The following DPYSL3 variants were observed in gnomAD, a reference collection of about 807,000 sequenced individuals.
The protein encoded by DPYSL3 is dihydropyrimidinase like 3, also known as dihydropyrimidinase-related protein 3.
Under a neutral mutation model 66.1 loss-of-function variants are expected in DPYSL3, and 16 were observed. The ratio of observed to expected loss-of-function variants is 0.24; its 90% confidence interval spans 0.16 to 0.37. The LOEUF (loss-of-function observed/expected upper bound fraction) is 0.37, where lower values mean the gene tolerates loss of function less well. DPYSL3 is among the 10% of genes least tolerant of loss of function. The pLI, the probability that DPYSL3 is intolerant of heterozygous loss-of-function variation, is 1.00. For missense variants in DPYSL3, 738 were observed against 916.2 expected (o/e 0.81, Z 2.51); for synonymous variants, 338 against 345.1 (o/e 0.98, Z 0.23).
chr5:147,469,658 T>C (rs900207952), intron 1 of DPYSL3, among the ~76,000 whole-genome samples: 3 of 152,180 alleles, frequency 2.0e-5, no homozygotes, highest in Non-Finnish European at 4.4e-5. Flanking sequence ...CATGGATATA[T>C]ATATTTTTTG....
intron 1 of DPYSL3, among the ~76,000 whole-genome samples, chr5:147,476,423 T>A (rs937752863): frequency 6.6e-6 from 1 of 152,146 alleles, no homozygotes; most frequent in Non-Finnish European, 1.5e-5. Context: ...AATATGTTAA[T>A]GCATATTTAG....
At chr5:147,473,107 A>G (rs1305509723) in intron 1 of DPYSL3, 1 of 152,210 alleles carries the variant, frequency 6.6e-6, no homozygotes, top group African/African-American at 2.4e-5. Context: ...AATAAAATAA[A>G]TAAAATAAAG....
chr5:147,495,051 A>G (rs1288829546), intron 1 of DPYSL3, among the ~76,000 whole-genome samples: 2 of 152,154 alleles, frequency 1.3e-5, no homozygotes, highest in East Asian at 3.9e-4. Flanking sequence ...TATTAAAGAA[A>G]CCAAATCAAT....
At position 147,393,638 on chromosome 5, in the gene DPYSL3, C is replaced by A. The variant is rs146411440; in HGVS notation, c.*397G>T. On this transcript the variant is annotated 3_prime_UTR_variant, in exon 14 of 14. Transcript: ENST00000343218. ...TCTGCACCCTCCACCTTGCTCCAGG[C>A]TCCCACCACCCACTCACCCCAAATA... 227 of 194,434 alleles carry A rather than the reference C, an allele frequency of 1.2e-3. 1 individual carries two copies. Among genetic ancestry groups the A allele is most frequent in the African/African-American group, 4.8e-3 (209 of 43,206 alleles). 12.0% of individuals were successfully genotyped at this position (194,434 alleles called of 1,614,324 possible). A position where few individuals can be genotyped will look rare whatever the true frequency, so the allele number is the denominator to read the frequency against.
chr5:147,508,234 C>T (rs1255468811), intron 1 of DPYSL3, among the ~76,000 whole-genome samples: 1 of 152,168 alleles, frequency 6.6e-6, no homozygotes, highest in Non-Finnish European at 1.5e-5. Flanking sequence ...CACTTATTTT[C>T]CCTGGTGGTC....
intron 12 of DPYSL3, among the ~76,000 whole-genome samples, chr5:147,397,314 G>C (rs1057294181): frequency 6.6e-6 from 1 of 152,018 alleles, no homozygotes; most frequent in Non-Finnish European, 1.5e-5. Flanking sequence ...ATGACACAGG[G>C]ATGTGTCGGT....
intron 1 of DPYSL3, among the ~76,000 whole-genome samples, chr5:147,494,692 C>G (rs1294736481): frequency 1.5e-5 from 2 of 137,014 alleles, no homozygotes; most frequent in East Asian, 4.1e-4. Flanking sequence ...GGTGAAACCC[C>G]GTCTCTACGA....
intron 1 of DPYSL3, among the ~76,000 whole-genome samples, chr5:147,444,622 A>G (rs1012912218): frequency 9.2e-5 from 14 of 152,200 alleles, no homozygotes; most frequent in Non-Finnish European, 2.9e-5. Context: ...TCTAGTGATT[A>G]CCATTACACA....
At chr5:147,402,537 C>T (rs1056517502) in intron 8 of DPYSL3, among the ~76,000 whole-genome samples, 17 of 145,420 alleles carry the variant, frequency 1.2e-4, no homozygotes, top group African/African-American at 4.0e-4. Context: ...TTAGTAGAGA[C>T]GGGGTTTCAC....
intron 1 of DPYSL3, among the ~76,000 whole-genome samples, chr5:147,469,885 C>G (rs1288723895): frequency 2.0e-5 from 3 of 152,202 alleles, no homozygotes; most frequent in Non-Finnish European, 4.4e-5. Flanking sequence ...TACAGTGGCC[C>G]CTTTGGTGCA....
At chr5:147,468,793 T>TA (rs1170497115) in intron 1 of DPYSL3, among the ~76,000 whole-genome samples, 3 of 152,188 alleles carry the variant, frequency 2.0e-5, no homozygotes, top group Admixed American at 6.5e-5. Flanking sequence ...GTTACATATG[T>TA]ATACATGTGC....
At chr5:147,496,096 A>G (rs1361895561) in intron 1 of DPYSL3, among the ~76,000 whole-genome samples, 7 of 152,254 alleles carry the variant, frequency 4.6e-5, no homozygotes, top group African/African-American at 1.4e-4. Flanking sequence ...ATAATGCCAC[A>G]TATCTACAAC....
intron 1 of DPYSL3, among the ~76,000 whole-genome samples, chr5:147,440,777 C>T (rs191745192): frequency 2.0e-5 from 3 of 152,242 alleles, no homozygotes; most frequent in Admixed American, 1.3e-4. Flanking sequence ...TTTCTCCTAA[C>T]ATTAAATAAC....
chr5:147,445,104 T>C (rs1581198138), intron 1 of DPYSL3, among the ~76,000 whole-genome samples: 1 of 152,196 alleles, frequency 6.6e-6, no homozygotes, highest in Non-Finnish European at 1.5e-5. Flanking sequence ...ATTAATTCTT[T>C]CAAATCATTT....
At chr5:147,409,290 C>G (rs1040819049) in intron 6 of DPYSL3, among the ~76,000 whole-genome samples, 1 of 152,208 alleles carries the variant, frequency 6.6e-6, no homozygotes, top group Non-Finnish European at 1.5e-5. Flanking sequence ...GTGGGCCACT[C>G]ATCACTTACA....
chr5:147,394,178 G>T, intron 13 of DPYSL3, 55 bp from the exon 14 acceptor site: 1 of 1,573,586 alleles, frequency 6.4e-7, no homozygotes, highest in South Asian at 1.1e-5. Flanking sequence ...GGCGGGTAGG[G>T]GGATGTGGGC....
chr5:147,426,714 G>T (rs974601529), intron 1 of DPYSL3, among the ~76,000 whole-genome samples: 29 of 152,158 alleles, frequency 1.9e-4, no homozygotes, highest in Non-Finnish European at 7.3e-5. Flanking sequence ...AAAACCAGCT[G>T]ACTTCTGGCT....
intron 1 of DPYSL3, among the ~76,000 whole-genome samples, chr5:147,463,584 C>G (rs1346587637): frequency 1.3e-5 from 2 of 152,090 alleles, no homozygotes; most frequent in Non-Finnish European, 2.9e-5. Flanking sequence ...GGCACTAAAC[C>G]ATGAGGTACA....
At chr5:147,471,641 A>G (rs936284832) in intron 1 of DPYSL3, among the ~76,000 whole-genome samples, 10 of 152,110 alleles carry the variant, frequency 6.6e-5, no homozygotes, top group African/African-American at 2.4e-4. Flanking sequence ...ACATAAAGGC[A>G]CTTCTCAGAG....
Sources: allele counts gnomAD v4.1 joint callset (sites outside exome capture counted in the v4.1 genomes callset), GRCh38; gene constraint gnomAD v4.1.1; transcripts MANE v1.5; gene names NCBI Gene and HGNC (gene_info 2026-07-23, HGNC 2026-07-21).